Variants in NUP155 observed in about 807,000 individuals in gnomAD.
The protein encoded by NUP155 is nuclear pore complex protein Nup155.
Under a neutral mutation model 180.4 loss-of-function variants are expected in NUP155, and 71 were observed. That is an observed-to-expected ratio of 0.39 (90% CI 0.33 to 0.48). NUP155 has a LOEUF of 0.48. NUP155 is among the 20% of genes least tolerant of loss of function. The probability of loss-of-function intolerance (pLI) is 0.91; values close to 1 mark genes in which losing one functional copy is unlikely to be tolerated. For synonymous variants in NUP155, 582 were observed against 559.5 expected, an observed-to-expected ratio of 1.04 and a Z score of -0.57; for missense variants, 1,553 against 1,648.9, an observed-to-expected ratio of 0.94 and a Z score of 1.01.
intron 17 of NUP155, 114 bp from the exon 18 acceptor site, chr5:37,327,890 A>G: frequency 3.4e-6 from 4 of 1,185,434 alleles, no homozygotes; most frequent in Non-Finnish European, 3.6e-6. Flanking sequence ...CATAAAATTC[A>G]GAATTCTCAT....
At chr5:37,320,587 T>C (rs532634923) in intron 20 of NUP155, among the ~76,000 whole-genome samples, 2 of 152,172 alleles carry the variant, frequency 1.3e-5, no homozygotes, top group Admixed American at 6.5e-5. Flanking sequence ...TGTTTGCAGA[T>C]GACAGAACTG....
intron 20 of NUP155, among the ~76,000 whole-genome samples, chr5:37,318,524 C>T (rs557500605): frequency 5.8e-4 from 87 of 149,524 alleles, no homozygotes; most frequent in South Asian, 1.5e-3. Context: ...AAATCTGAAA[C>T]GTTTTGCACA....
At chr5:37,323,868 T>C (rs1214273328) in intron 20 of NUP155, 124 bp downstream of exon 20, 1 of 698,092 alleles carries the variant, frequency 1.4e-6, no homozygotes, top group Non-Finnish European at 2.6e-6. Flanking sequence ...CATAACCTTG[T>C]AGATACACTA....
chr5:37,370,264 T>G (rs1423784637), intron 1 of NUP155, among the ~76,000 whole-genome samples: 1 of 152,042 alleles, frequency 6.6e-6, no homozygotes, highest in Non-Finnish European at 1.5e-5. Flanking sequence ...CTCAGCTACT[T>G]GGGAGTCTGA....
At chr5:37,301,195 A>G in intron 30 of NUP155, 1 of 430,360 alleles carries the variant, frequency 2.3e-6, no homozygotes, top group Admixed American at 3.5e-5. Context: ...GTTTTAACAC[A>G]GCTCTCATGC....
chr5:37,344,417 C>T lies in NUP155; in HGVS notation c.996-1771G>A, dbSNP rs192546293. On this transcript the variant is annotated intron_variant, in intron 9 of 34. Transcript: ENST00000231498. Reference sequence around the variant, plus strand: ...TAAACATCATATATAAAATATATTACTCAGAATCTAATTATAAAAAAAGAT... The same window carrying T: ...TAAACATCATATATAAAATATATTATTCAGAATCTAATTATAAAAAAAGAT... 6.2e-5 allele frequency among the ~76,000 whole-genome samples: 9 copies of T among 145,590 alleles called. No homozygotes were observed. The East Asian group carries it at 1.8e-3, about 29-fold the overall frequency.
rs748909089 is a variant in NUP155 at position 37,348,512 on chromosome 5, T to G, written c.988A>C (p.Ile330Leu). ...TAATAAATTACATGTTACCTAGCAA[T>G]GTTACCAGCAGCAGAGACAATGGCA... The part of the protein sequence containing the change: ...QNAIVSAAGN[I>L]ARTIDRSVFK... Residue 330 changes from isoleucine (I) to leucine (L), a missense_variant, in exon 9 of 35, where the codon ATT becomes CTT. Ile to Leu is a conservative substitution (Grantham distance 5). Coordinates refer to ENST00000231498, the MANE Select transcript of NUP155 (RefSeq NM_153485.3). 4 of 1,596,434 alleles carry G rather than the reference T, an allele frequency of 2.5e-6. No individual in the cohort carries two copies. The highest frequency in any genetic ancestry group is 2.6e-6 in the Non-Finnish European group (3 of 1,163,974).
chr5:37,334,747 T>C (rs75627408), intron 12 of NUP155, among the ~76,000 whole-genome samples: 3,814 of 152,286 alleles, frequency 0.025, 63 homozygotes, highest in Non-Finnish European at 0.039. Flanking sequence ...GGGCAAACTT[T>C]TCTCAAGATA....
chr5:37,335,117 C>T (rs1447504154), intron 12 of NUP155, among the ~76,000 whole-genome samples: 2 of 148,500 alleles, frequency 1.3e-5, no homozygotes, highest in Admixed American at 1.3e-4. Context: ...GAGATTGTGC[C>T]ACTGCACTCC....
At position 37,341,165 on chromosome 5, in the gene NUP155, G is replaced by GGA; in HGVS notation, c.1169_1170dup (p.Arg391SerfsTer30). 6.2e-7 allele frequency: 1 copy of GGA among 1,613,716 alleles called. No individual in the cohort carries two copies. Among genetic ancestry groups the GGA allele is most frequent in the Non-Finnish European group, 8.5e-7 (1 of 1,179,644 alleles). ...GATGCTGAGAATCCAGGAGGTAAGC[G>GGA]GACATGAACCAGCGTCAGTGTATTA... On this transcript the variant is annotated frameshift_variant, in exon 11 of 35. Coordinates refer to ENST00000231498, the MANE Select transcript of NUP155 (RefSeq NM_153485.3). LOFTEE classifies it high-confidence loss of function.
intron 20 of NUP155, among the ~76,000 whole-genome samples, chr5:37,320,372 G>A (rs1245208778): frequency 1.3e-5 from 2 of 152,334 alleles, no homozygotes; most frequent in East Asian, 1.9e-4. Flanking sequence ...AGCTACTCAG[G>A]AGGCTGAGGC....
intron 24 of NUP155, among the ~76,000 whole-genome samples, chr5:37,308,855 G>GGCTGACA (rs1171118131): frequency 7.2e-6 from 1 of 139,656 alleles, no homozygotes; most frequent in Non-Finnish European, 1.5e-5. Context: ...ACTCCAGCCT[G>GGCTGACA]GCTGACAGAG....
At chr5:37,319,930 C>T (rs1037211923) in intron 20 of NUP155, among the ~76,000 whole-genome samples, 6 of 152,046 alleles carry the variant, frequency 3.9e-5, no homozygotes, top group Admixed American at 1.3e-4. Flanking sequence ...TGCCTGTAAT[C>T]CCAGCACTTT....
At position 37,298,807 on chromosome 5, in the gene NUP155, T is replaced by C. The variant is rs1014077635; in HGVS notation, c.3793+61A>G. ...TACTCGAAAGATCGTTATTTGTCCA[T>C]ATCAACGGAGAAAACCATCAGAACA... On this transcript the variant is annotated intron_variant, in intron 32 of 34. Coordinates refer to ENST00000231498, the MANE Select transcript of NUP155 (RefSeq NM_153485.3). 7 of 872,966 alleles carry C rather than the reference T, an allele frequency of 8.0e-6. No homozygotes were observed. The African/African-American group carries it at 8.3e-5, about 10-fold the overall frequency. The allele number at this position is 872,966 out of a possible 1,614,324, so 54.1% of individuals were successfully genotyped here.
At chr5:37,321,199 A>G (rs1581157249) in intron 20 of NUP155, among the ~76,000 whole-genome samples, 1 of 152,198 alleles carries the variant, frequency 6.6e-6, no homozygotes, top group Non-Finnish European at 1.5e-5. Context: ...TAGAAAAATT[A>G]GCCAGGCATG....
At chr5:37,305,794 C>T (rs1416072695) in intron 25 of NUP155, among the ~76,000 whole-genome samples, 1 of 151,930 alleles carries the variant, frequency 6.6e-6, no homozygotes, top group Non-Finnish European at 1.5e-5. Flanking sequence ...ATCGCTTGAG[C>T]CTAGGAATTC....
intron 11 of NUP155, 46 bp downstream of exon 11, chr5:37,341,044 A>G (rs532800346): frequency 7.0e-5 from 102 of 1,456,666 alleles, no homozygotes; most frequent in Non-Finnish European, 9.6e-5. Flanking sequence ...TAATTTTAAC[A>G]ATTTTAAGAA....
intron 3 of NUP155, among the ~76,000 whole-genome samples, chr5:37,361,439 T>C (rs898021936): frequency 1.3e-5 from 2 of 152,074 alleles, no homozygotes; most frequent in Non-Finnish European, 2.9e-5. Flanking sequence ...TGATCTAGAC[T>C]TTCAAGAAAG....
chr5:37,364,559 C>G (rs1183316350), intron 1 of NUP155, among the ~76,000 whole-genome samples, 175 bp from the exon 2 acceptor site: 1 of 152,112 alleles, frequency 6.6e-6, no homozygotes, highest in Non-Finnish European at 1.5e-5. Flanking sequence ...AAGGTAGGAA[C>G]AGTTACTGGT....
Sources: allele counts gnomAD v4.1 joint callset (sites outside exome capture counted in the v4.1 genomes callset), GRCh38; gene constraint gnomAD v4.1.1; transcripts MANE v1.5; gene names NCBI Gene and HGNC (gene_info 2026-07-23, HGNC 2026-07-21).